NRXN1: variants seen among roughly 807,000 people sequenced by gnomAD.
NRXN1 encodes the protein neurexin-1.
NRXN1 carries 39 observed loss-of-function variants against 150.9 expected under a neutral mutation model. That is an observed-to-expected ratio of 0.26 (90% CI 0.20 to 0.34). The LOEUF is 0.34. Among genes scored for constraint, NRXN1 ranks in the 10% least tolerant of loss-of-function variants. NRXN1 has a pLI of 1.00. For missense variants in NRXN1, 1,815 were observed against 1,949.9 expected (o/e 0.93, Z 1.30); for synonymous variants, 924 against 757.0 (o/e 1.22, Z -3.62).
At chr2:50,728,534 C>T (rs1697679523) in intron 5 of NRXN1, among the ~76,000 whole-genome samples, 1 of 152,064 alleles carries the variant, frequency 6.6e-6, no homozygotes, top group Non-Finnish European at 1.5e-5. Flanking sequence ...AATGTTTTGA[C>T]ATTAGTGTAC....
chr2:50,458,116 T>C (rs1233716317), intron 17 of NRXN1, among the ~76,000 whole-genome samples: 1 of 151,868 alleles, frequency 6.6e-6, no homozygotes, highest in East Asian at 1.9e-4. Context: ...AAGAAAAAAA[T>C]GGTATATATA....
chr2:50,271,057 A>G (rs2069554034), intron 17 of NRXN1, among the ~76,000 whole-genome samples: 1 of 152,210 alleles, frequency 6.6e-6, no homozygotes, highest in African/African-American at 2.4e-5. Context: ...TTACAATGAT[A>G]TAACATAAAT....
At chr2:50,240,402 C>T (rs534880510) in intron 17 of NRXN1, among the ~76,000 whole-genome samples, 22 of 151,832 alleles carry the variant, frequency 1.4e-4, no homozygotes, top group African/African-American at 3.4e-4. Flanking sequence ...CTCTCTTCTA[C>T]ATACTTCTAT....
chr2:50,867,648 G>A (rs1677134187), intron 5 of NRXN1, among the ~76,000 whole-genome samples: 1 of 151,458 alleles, frequency 6.6e-6, no homozygotes, highest in African/African-American at 2.4e-5. Flanking sequence ...TAATTGCAAT[G>A]TAAAGCTAAT....
At chr2:50,277,557 T>C (rs2070721434) in intron 17 of NRXN1, among the ~76,000 whole-genome samples, 2 of 49,634 alleles carry the variant, frequency 4.0e-5, no homozygotes, top group Middle Eastern at 0.012. Flanking sequence ...TCCCTCTTTC[T>C]CTTTCTTTCT....
intron 22 of NRXN1, among the ~76,000 whole-genome samples, chr2:49,940,369 CATCTA>C (rs1196452144): frequency 6.6e-6 from 1 of 152,138 alleles, no homozygotes; most frequent in East Asian, 1.9e-4. Flanking sequence ...GTATTTCTAA[CATCTA>C]ATAGCAGCAG....
chr2:50,272,367 T>C (rs1158495222), intron 17 of NRXN1, among the ~76,000 whole-genome samples: 1 of 152,176 alleles, frequency 6.6e-6, no homozygotes, highest in East Asian at 1.9e-4. Flanking sequence ...GAAACGTAGC[T>C]GACTGCTTCT....
At chr2:50,644,868 TA>T (rs200943916) in intron 5 of NRXN1, among the ~76,000 whole-genome samples, 6,590 of 149,268 alleles carry the variant, frequency 0.044, 227 homozygotes, top group Middle Eastern at 0.09. Flanking sequence ...GATATATAAA[TA>T]AAAAATGTAT....
chr2:50,080,528 A>G (rs2152683361), intron 19 of NRXN1, among the ~76,000 whole-genome samples: 1 of 152,232 alleles, frequency 6.6e-6, no homozygotes, highest in Admixed American at 6.5e-5. Context: ...TCACCATCCC[A>G]CTTCACAATC....
intron 5 of NRXN1, among the ~76,000 whole-genome samples, chr2:50,811,928 T>G (rs1668267539): frequency 6.6e-6 from 1 of 152,152 alleles, no homozygotes; most frequent in African/African-American, 2.4e-5. Context: ...AAGATTTTGG[T>G]ACAATATTTA....
At chr2:50,768,741 C>T (rs1043697972) in intron 5 of NRXN1, among the ~76,000 whole-genome samples, 40 of 151,788 alleles carry the variant, frequency 2.6e-4, no homozygotes, top group Non-Finnish European at 4.4e-5. Context: ...GCTGGGTCAC[C>T]GAAAATCACC....
chr2:50,946,544 C>T (rs768268383), intron 2 of NRXN1, among the ~76,000 whole-genome samples: 3 of 152,122 alleles, frequency 2.0e-5, no homozygotes, highest in Non-Finnish European at 2.9e-5. Context: ...GAGAAAACTG[C>T]CCTACTAAAC....
intron 21 of NRXN1, among the ~76,000 whole-genome samples, chr2:50,021,709 T>A (rs1039826910): frequency 1.2e-4 from 19 of 152,192 alleles, no homozygotes; most frequent in Non-Finnish European, 2.2e-4. Context: ...AAAAACATTT[T>A]GAAAAATTTT....
At chr2:50,058,207 C>G (rs1693943985) in intron 19 of NRXN1, among the ~76,000 whole-genome samples, 1 of 152,012 alleles carries the variant, frequency 6.6e-6, no homozygotes, top group Non-Finnish European at 1.5e-5. Flanking sequence ...TCAGCTAAAG[C>G]AAGAACATAA....
At chr2:50,676,151 G>C (rs1559110087) in intron 5 of NRXN1, among the ~76,000 whole-genome samples, 1 of 151,934 alleles carries the variant, frequency 6.6e-6, no homozygotes, top group Non-Finnish European at 1.5e-5. Context: ...AAAGAGTCTG[G>C]GACCTCACCC....
chr2:50,937,669 CAAT>C (rs1319559206), intron 2 of NRXN1, among the ~76,000 whole-genome samples: 2 of 151,994 alleles, frequency 1.3e-5, no homozygotes, highest in African/African-American at 2.4e-5. Context: ...AAGATGATGA[CAAT>C]GATGATGATG....
intron 17 of NRXN1, 21 bp from the exon 18 acceptor site, chr2:50,236,991 C>A: frequency 6.2e-7 from 1 of 1,611,490 alleles, no homozygotes; most frequent in South Asian, 1.1e-5. Context: ...AAAACCAAAA[C>A]CAATTAGTCC....
intron 18 of NRXN1, among the ~76,000 whole-genome samples, chr2:50,164,635 A>T (rs148392264): frequency 1.3e-5 from 2 of 152,292 alleles, no homozygotes; most frequent in East Asian, 3.9e-4. Flanking sequence ...AATACTTCAC[A>T]TTCTAAAGAA....
chr2:50,752,985 C>T (rs139445837), intron 5 of NRXN1, among the ~76,000 whole-genome samples: 185 of 151,906 alleles, frequency 1.2e-3, no homozygotes, highest in African/African-American at 4.3e-3. Context: ...ATTTGGCATG[C>T]TCTTTATATA....
Sources: allele counts gnomAD v4.1 joint callset (sites outside exome capture counted in the v4.1 genomes callset), GRCh38; gene constraint gnomAD v4.1.1; transcripts MANE v1.5; gene names NCBI Gene and HGNC (gene_info 2026-07-23, HGNC 2026-07-21).